Variants in HDAC9 observed in about 807,000 individuals in gnomAD.
HDAC9 encodes the protein MEF-2 interacting transcription repressor (MITR) protein.
Under a neutral mutation model 139.4 loss-of-function variants are expected in HDAC9, and 41 were observed. The observed-to-expected ratio is 0.29, with a 90% CI of 0.23 to 0.38. The LOEUF (loss-of-function observed/expected upper bound fraction) is 0.38. HDAC9 is among the 10% of genes least tolerant of loss of function. The pLI is 1.00. For missense variants in HDAC9, 1,147 were observed against 1,297.0 expected (o/e 0.88, Z 1.78); for synonymous variants, 517 against 476.2 (o/e 1.09, Z -1.12).
chr7:18,448,894 A>T (rs1792541740), intron 1 of HDAC9, among the ~76,000 whole-genome samples: 1 of 152,136 alleles, frequency 6.6e-6, no homozygotes, highest in Admixed American at 6.6e-5. Context: ...GTAGATGCTT[A>T]AAAATATAAT....
intron 22 of HDAC9, among the ~76,000 whole-genome samples, chr7:18,909,435 G>A (rs540466941): frequency 6.6e-6 from 1 of 151,978 alleles, no homozygotes; most frequent in South Asian, 2.1e-4. Flanking sequence ...GTTGCCTGGT[G>A]TTTGAAGCCT....
In HDAC9 at chr7:18,959,671, A is replaced by G. The variant is rs1012512492; in HGVS notation, c.3022+5441A>G. Among the ~76,000 whole-genome samples the G allele has an allele frequency of 8.3e-4, 126 of 152,310 alleles. 1 individual carries two copies. Among genetic ancestry groups the G allele is most frequent in the African/African-American group, 2.9e-3 (121 of 41,578 alleles). On this transcript the variant is annotated intron_variant, in intron 24 of 25. Transcript: ENST00000686413. ...AATTTCACCAGGAATGACATGGCAC[A>G]TCACTAGAATTGCTTTTCCACGTTG... is the stretch of plus-strand genomic sequence containing the variant.
chr7:18,235,440 A>C (rs1394304305), intron 2 of HDAC9, among the ~76,000 whole-genome samples: 1 of 152,190 alleles, frequency 6.6e-6, no homozygotes, highest in African/African-American at 2.4e-5. Flanking sequence ...GTCACTGAAC[A>C]TGGGGTTAGG....
chr7:18,177,546 C>T (rs1319913947), intron 2 of HDAC9, among the ~76,000 whole-genome samples: 1 of 152,138 alleles, frequency 6.6e-6, no homozygotes, highest in Admixed American at 6.5e-5. Flanking sequence ...TTGAATGACC[C>T]TTCCTCACCA....
chr7:18,199,162 T>TG (rs1196682430), intron 2 of HDAC9, among the ~76,000 whole-genome samples: 2 of 152,206 alleles, frequency 1.3e-5, no homozygotes, highest in Non-Finnish European at 1.5e-5. Context: ...AGAGTTTTCT[T>TG]GGGGAATAGT....
At chr7:18,590,253 G>T in intron 3 of HDAC9, 83 bp from the exon 4 acceptor site, 3 of 1,398,164 alleles carry the variant, frequency 2.1e-6, no homozygotes, top group Non-Finnish European at 2.9e-6. Flanking sequence ...AGTTCCAAAA[G>T]CTCATAACAT....
At chr7:18,936,054 A>C (rs1355459056) in intron 23 of HDAC9, 112 bp downstream of exon 23, 2 of 992,134 alleles carry the variant, frequency 2.0e-6, no homozygotes, top group Non-Finnish European at 3.0e-6. Flanking sequence ...CATTGCTCTT[A>C]CCATTAAGAA....
chr7:18,126,442 A>G (rs898717187), intron 1 of HDAC9, among the ~76,000 whole-genome samples: 1 of 152,156 alleles, frequency 6.6e-6, no homozygotes, highest in Non-Finnish European at 1.5e-5. Flanking sequence ...CTTTCCTGCA[A>G]ATCAAGTGTT....
chr7:18,870,607 G>T (rs907173125), intron 21 of HDAC9, among the ~76,000 whole-genome samples: 9 of 152,140 alleles, frequency 5.9e-5, no homozygotes, highest in Admixed American at 1.3e-4. Flanking sequence ...AAGATACTTT[G>T]GAATTATGCA....
chr7:18,707,178 A>G (rs1783991217), intron 12 of HDAC9, among the ~76,000 whole-genome samples: 2 of 152,234 alleles, frequency 1.3e-5, no homozygotes, highest in South Asian at 4.1e-4. Flanking sequence ...AAGCCAGTGA[A>G]GGAGACTGTT....
intron 12 of HDAC9, among the ~76,000 whole-genome samples, chr7:18,723,268 A>G (rs1407227356): frequency 1.3e-5 from 2 of 152,176 alleles, no homozygotes; most frequent in East Asian, 3.8e-4. Flanking sequence ...ACTGAAAAAT[A>G]TATATTATTA....
At chr7:18,273,014 C>CTTCTTCTTCTTCT (rs1276143784) in intron 2 of HDAC9, among the ~76,000 whole-genome samples, 9 of 139,888 alleles carry the variant, frequency 6.4e-5, no homozygotes, top group African/African-American at 2.4e-4. Context: ...CTTCTTCTTC[C>CTTCTTCTTCTTCT]TCCTCCTCCT....
In HDAC9 at chr7:18,762,210, A is replaced by G. The variant is rs1308210994; in HGVS notation, c.2097A>G (p.Glu699=). 6.2e-7 allele frequency: 1 copy of G among 1,613,666 alleles called. No individual in the cohort carries two copies. The highest frequency in any genetic ancestry group is 1.7e-5 in the Admixed American group (1 of 59,990). Residue 699 remains glutamate, a synonymous_variant, in exon 15 of 26, where the codon GAA becomes GAG. Transcript: ENST00000686413. ...SLEEIQLVHS[E]HHSLLYGTNP... ...AGGAAATACAGCTTGTTCATTCTGA[A>G]CATCACTCACTGTTGTATGGCACCA...
chr7:18,275,203 T>G (rs926643047), intron 2 of HDAC9, among the ~76,000 whole-genome samples: 1 of 152,208 alleles, frequency 6.6e-6, no homozygotes, highest in African/African-American at 2.4e-5. Flanking sequence ...TGTCTTTTCC[T>G]CATGCCCTAA....
At chr7:18,590,245 T>C in intron 3 of HDAC9, 91 bp from the exon 4 acceptor site, 1 of 1,326,780 alleles carries the variant, frequency 7.5e-7, no homozygotes, top group Non-Finnish European at 1.0e-6. Context: ...TACAAACAAG[T>C]TCCAAAAGCT....
chr7:18,910,486 C>T (rs956905027), intron 22 of HDAC9, among the ~76,000 whole-genome samples: 1 of 151,892 alleles, frequency 6.6e-6, no homozygotes, highest in African/African-American at 2.4e-5. Context: ...ATATTATCTG[C>T]AAGCAGGGAG....
chr7:18,165,310 GC>G (rs1289782158), intron 2 of HDAC9, among the ~76,000 whole-genome samples: 1 of 152,094 alleles, frequency 6.6e-6, no homozygotes, highest in African/African-American at 2.4e-5. Flanking sequence ...AATGTATATT[GC>G]TCTTTGCTAT....
chr7:18,170,360 GATAGATTGCAA>G (rs1788333630), intron 2 of HDAC9, among the ~76,000 whole-genome samples: 1 of 150,694 alleles, frequency 6.6e-6, no homozygotes, highest in Admixed American at 6.6e-5. Flanking sequence ...TTGTCAGACG[GATAGATTGCAA>G]ATTTTCTCCC....
chr7:18,776,638 G>T (rs374134852), intron 16 of HDAC9, among the ~76,000 whole-genome samples: 6 of 152,024 alleles, frequency 3.9e-5, no homozygotes, highest in Non-Finnish European at 7.4e-5. Context: ...AGCAAGGAAG[G>T]GGTGTGGAGT....
Sources: gnomAD v4.1 joint callset for allele counts (sites outside exome capture counted in the v4.1 genomes callset) on GRCh38, gnomAD v4.1.1 for gene constraint, MANE v1.5 for transcripts, NCBI Gene and HGNC (gene_info 2026-07-23, HGNC 2026-07-21) for gene names.